Variants in DOK6 observed in about 807,000 individuals in gnomAD.
DOK6 encodes the protein docking protein 6, also known as downstream of tyrosine kinase 6.
DOK6 carries 22 observed loss-of-function variants against 44.0 expected under a neutral mutation model. That is an observed-to-expected ratio of 0.50 (90% confidence interval 0.36 to 0.71). DOK6 has a LOEUF of 0.71. Ranked by LOEUF, DOK6 falls within the 30% of genes least tolerant of loss-of-function variation. The pLI is 0.00. For missense variants in DOK6, 340 were observed against 416.4 expected (o/e 0.82, Z 1.60); for synonymous variants, 166 against 145.5 (o/e 1.14, Z -1.01).
At chr18:69,716,106 A>T (rs554871017) in intron 5 of DOK6, among the ~76,000 whole-genome samples, 2 of 152,344 alleles carry the variant, frequency 1.3e-5, no homozygotes, top group Admixed American at 1.3e-4. Context: ...CAAGTCATTG[A>T]TATTTTCTCC....
chr18:69,694,058 CAAAAAAAAAAAAAAAAA>C (rs60662789), intron 4 of DOK6, among the ~76,000 whole-genome samples: 30 of 62,008 alleles, frequency 4.8e-4, no homozygotes, highest in Admixed American at 1.2e-3. Flanking sequence ...GACTCCGTGT[CAAAAAAAAAAAAAAAAA>C]AAAAAAAAAA....
At chr18:69,835,232 G>A (rs974292343) in intron 7 of DOK6, among the ~76,000 whole-genome samples, 9 of 152,264 alleles carry the variant, frequency 5.9e-5, no homozygotes, top group Non-Finnish European at 8.8e-5. Context: ...GGAGGCCGAG[G>A]TGGGTGGATC....
At chr18:69,743,667 A>G (rs1167611582) in intron 6 of DOK6, among the ~76,000 whole-genome samples, 1 of 152,016 alleles carries the variant, frequency 6.6e-6, no homozygotes, top group Non-Finnish European at 1.5e-5. Flanking sequence ...AAGAATGAGA[A>G]AAAAAAAGAT....
intron 1 of DOK6, among the ~76,000 whole-genome samples, chr18:69,548,079 G>C (rs919807100): frequency 1.3e-5 from 2 of 150,212 alleles, no homozygotes; most frequent in African/African-American, 4.9e-5. Context: ...TCAGCCTCCC[G>C]AGTAGCTGGG....
intron 1 of DOK6, among the ~76,000 whole-genome samples, chr18:69,419,384 A>G (rs7227974): frequency 0.65 from 98,187 of 151,872 alleles, 32,262 homozygotes; most frequent in South Asian, 0.77. Flanking sequence ...TAAAGCATCC[A>G]AAAAGTTTAA....
chr18:69,701,236 G>C (rs1029623992), intron 5 of DOK6, among the ~76,000 whole-genome samples: 2 of 152,340 alleles, frequency 1.3e-5, no homozygotes, highest in Admixed American at 1.3e-4. Flanking sequence ...AGGAGAACAA[G>C]GACCAGGAAA....
chr18:69,514,593 G>A (rs1451200779), intron 1 of DOK6, among the ~76,000 whole-genome samples: 1 of 151,942 alleles, frequency 6.6e-6, no homozygotes, highest in Admixed American at 6.6e-5. Context: ...TTAACTATAA[G>A]CAAGTAGGTA....
chr18:69,714,657 A>G (rs1785522790), intron 5 of DOK6, among the ~76,000 whole-genome samples: 1 of 152,220 alleles, frequency 6.6e-6, no homozygotes, highest in African/African-American at 2.4e-5. Flanking sequence ...GAAAAAAACT[A>G]ATAAACGTTG....
chr18:69,679,080 G>A (rs1407414865), intron 4 of DOK6, among the ~76,000 whole-genome samples: 1 of 152,172 alleles, frequency 6.6e-6, no homozygotes, highest in Non-Finnish European at 1.5e-5. Context: ...GGAGGCTGAG[G>A]TGGGAGGCTC....
At chr18:69,539,732 T>C (rs1028683385) in intron 1 of DOK6, among the ~76,000 whole-genome samples, 1 of 152,216 alleles carries the variant, frequency 6.6e-6, no homozygotes, top group Admixed American at 6.5e-5. Flanking sequence ...ACAGAACTTA[T>C]GCACGTAACA....
At chr18:69,547,952 A>T (rs889800809) in intron 1 of DOK6, among the ~76,000 whole-genome samples, 2 of 136,174 alleles carry the variant, frequency 1.5e-5, no homozygotes, top group African/African-American at 5.2e-5. Flanking sequence ...AATATATATA[A>T]AATATATATA....
At position 69,803,805 on chromosome 18, in the gene DOK6, G is replaced by C. The variant is rs184485883; in HGVS notation, c.857-37439G>C. Among the ~76,000 whole-genome samples, 903 of 152,204 alleles carry C rather than the reference G, an allele frequency of 5.9e-3. 7 individuals are homozygous for C. The highest frequency in any genetic ancestry group is 9.7e-3 in the Non-Finnish European group (660 of 68,002). On this transcript the variant is annotated intron_variant, in intron 7 of 7. Coordinates refer to ENST00000382713, the MANE Select transcript of DOK6 (RefSeq NM_152721.6). Reference sequence around the variant, plus strand: ...ACCCGGGAGGCAGAGGTTGCAGTGAGCCAAGATCACACCACTGCACTCCAG... The same window carrying C: ...ACCCGGGAGGCAGAGGTTGCAGTGACCCAAGATCACACCACTGCACTCCAG...
intron 3 of DOK6, among the ~76,000 whole-genome samples, chr18:69,671,641 C>G (rs1014288328): frequency 3.3e-5 from 5 of 152,022 alleles, no homozygotes; most frequent in Non-Finnish European, 4.4e-5. Context: ...TCAGGTAGTG[C>G]TCTGTTTCTT....
At chr18:69,772,253 G>A (rs1979910169) in intron 7 of DOK6, among the ~76,000 whole-genome samples, 1 of 151,964 alleles carries the variant, frequency 6.6e-6, no homozygotes, top group East Asian at 1.9e-4. Context: ...GTATTCACGA[G>A]TTGAAAGAGT....
At chr18:69,436,958 T>G (rs1978997926) in intron 1 of DOK6, among the ~76,000 whole-genome samples, 1 of 152,262 alleles carries the variant, frequency 6.6e-6, no homozygotes, top group Non-Finnish European at 1.5e-5. Context: ...AAACGTCTTT[T>G]GAGAAGTGTC....
At chr18:69,693,039 T>C (rs530186859) in intron 4 of DOK6, among the ~76,000 whole-genome samples, 6 of 152,308 alleles carry the variant, frequency 3.9e-5, no homozygotes, top group Admixed American at 6.5e-5. Context: ...TTTGTACAGT[T>C]TCTTCTTTTG....
chr18:69,784,934 A>C (rs1207298915), intron 7 of DOK6, among the ~76,000 whole-genome samples: 1 of 152,176 alleles, frequency 6.6e-6, no homozygotes, highest in Non-Finnish European at 1.5e-5. Context: ...GCTGGTGCTG[A>C]AAATGCAGTT....
rs568713604 is a variant in DOK6, at chr18:69,845,661, C to T, written c.*4278C>T. 6.6e-5 allele frequency: 10 copies of T among 152,280 alleles called. No homozygotes were observed. Among genetic ancestry groups the T allele is most frequent in the Admixed American group, 3.9e-4 (6 of 15,302 alleles). 9.4% of individuals were successfully genotyped at this position (152,280 alleles called of 1,614,324 possible). ...GAATACAATGAAATGTCCAGAGTAA[C>T]ACTTGGTCTCTACCTTTCTAACATT... On this transcript the variant is annotated 3_prime_UTR_variant, in exon 8 of 8. Coordinates refer to ENST00000382713, the MANE Select transcript of DOK6 (RefSeq NM_152721.6).
chr18:69,629,095 G>A (rs138902582), intron 3 of DOK6, among the ~76,000 whole-genome samples: 92 of 152,328 alleles, frequency 6.0e-4, no homozygotes, highest in African/African-American at 2.0e-3. Flanking sequence ...CCATCAGAGG[G>A]AATGTTGGGG....
Sources: allele counts gnomAD v4.1 joint callset (sites outside exome capture counted in the v4.1 genomes callset), GRCh38; gene constraint gnomAD v4.1.1; transcripts MANE v1.5; gene names NCBI Gene and HGNC (gene_info 2026-07-23, HGNC 2026-07-21).